The following XKR4 variants were observed in gnomAD, a reference collection of about 807,000 sequenced individuals.
The protein encoded by XKR4 is XK related 4.
In XKR4, 12 loss-of-function variants were observed where a neutral mutation model predicts 53.9. The ratio of observed to expected loss-of-function variants is 0.22; its 90% CI spans 0.14 to 0.36. The LOEUF (loss-of-function observed/expected upper bound fraction) is 0.36. XKR4 is among the 10% of genes least tolerant of loss of function. The probability of loss-of-function intolerance (pLI) is 1.00; values close to 1 mark genes in which losing one functional copy is unlikely to be tolerated. For synonymous variants in XKR4, 354 were observed against 362.4 expected, an observed-to-expected ratio of 0.98 and a Z score of 0.26; for missense variants, 799 against 859.5, an observed-to-expected ratio of 0.93 and a Z score of 0.88.
intron 1 of XKR4, among the ~76,000 whole-genome samples, chr8:55,160,059 T>G (rs935807254): frequency 1.3e-5 from 2 of 152,112 alleles, no homozygotes; most frequent in African/African-American, 4.8e-5. Flanking sequence ...GATGTAGGAA[T>G]GTAGAGAATT....
At chr8:55,462,639 G>A (rs1805680607) in intron 2 of XKR4, among the ~76,000 whole-genome samples, 1 of 152,138 alleles carries the variant, frequency 6.6e-6, no homozygotes. Flanking sequence ...AACCTTAAAT[G>A]TAAATGGGCT....
intron 1 of XKR4, among the ~76,000 whole-genome samples, chr8:55,145,929 C>A (rs917153326): frequency 1.3e-5 from 2 of 152,198 alleles, no homozygotes; most frequent in Non-Finnish European, 1.5e-5. Context: ...AAAGACATAT[C>A]ACTCATTTTG....
At chr8:55,495,070 T>C (rs931311624) in intron 2 of XKR4, among the ~76,000 whole-genome samples, 32 of 152,172 alleles carry the variant, frequency 2.1e-4, no homozygotes, top group African/African-American at 7.5e-4. Flanking sequence ...CCTCCCACGC[T>C]TGTCAGTGCC....
At chr8:55,141,757 A>G (rs1244726522) in intron 1 of XKR4, among the ~76,000 whole-genome samples, 1 of 151,614 alleles carries the variant, frequency 6.6e-6, no homozygotes, top group Non-Finnish European at 1.5e-5. Flanking sequence ...TCCCTAAAAC[A>G]GCTTGACACA....
chr8:55,387,752 C>T (rs1585550786), intron 2 of XKR4, among the ~76,000 whole-genome samples: 1 of 152,294 alleles, frequency 6.6e-6, no homozygotes, highest in South Asian at 2.1e-4. Context: ...GCTGTACCCA[C>T]ATGCAACCCA....
At position 55,293,815 on chromosome 8, in the gene XKR4, G is replaced by T. The variant is rs181895380; in HGVS notation, c.807-63863G>T. 3.3e-5 allele frequency among the ~76,000 whole-genome samples: 5 copies of T among 152,234 alleles called. No individual in the cohort carries two copies. The East Asian group carries it at 9.6e-4, about 29-fold the overall frequency. On this transcript the variant is annotated intron_variant, in intron 1 of 2. Transcript: ENST00000327381. The stretch of plus-strand genomic sequence containing the variant: ...TTACAATATTGATTTGACTCATTCT[G>T]TCATAATTAATTTGATATAGTGAAT...
chr8:55,148,496 C>A (rs1348960999), intron 1 of XKR4, among the ~76,000 whole-genome samples: 1 of 152,104 alleles, frequency 6.6e-6, no homozygotes, highest in Admixed American at 6.6e-5. Flanking sequence ...GAGGACTGTG[C>A]CTCATGTTCA....
intron 1 of XKR4, among the ~76,000 whole-genome samples, chr8:55,145,551 C>T (rs1417473770): frequency 6.6e-6 from 1 of 152,102 alleles, no homozygotes; most frequent in African/African-American, 2.4e-5. Context: ...CAATATCTGG[C>T]CGATTTATAC....
chr8:55,175,573 A>T (rs938253577), intron 1 of XKR4, among the ~76,000 whole-genome samples: 3 of 152,228 alleles, frequency 2.0e-5, no homozygotes, highest in Non-Finnish European at 2.9e-5. Flanking sequence ...CATGTCTAGA[A>T]TTATGTCAAA....
chr8:55,460,646 C>A (rs953621105), intron 2 of XKR4, among the ~76,000 whole-genome samples: 1 of 152,046 alleles, frequency 6.6e-6, no homozygotes, highest in Non-Finnish European at 1.5e-5. Flanking sequence ...GGACAGTGGG[C>A]GCAGCGCACC....
At chr8:55,128,485 T>C (rs1816506561) in intron 1 of XKR4, among the ~76,000 whole-genome samples, 1 of 152,206 alleles carries the variant, frequency 6.6e-6, no homozygotes, top group African/African-American at 2.4e-5. Context: ...CATGTGTCTC[T>C]GGATGAAGAC....
chr8:55,224,666 G>T lies in XKR4; in HGVS notation c.806+121372G>T, dbSNP rs151108865. Among the ~76,000 whole-genome samples, 703 of 152,230 alleles carry T rather than the reference G, an allele frequency of 4.6e-3. 6 individuals are homozygous for T. Among genetic ancestry groups the T allele is most frequent in the African/African-American group, 0.016 (654 of 41,558 alleles). On this transcript the variant is annotated intron_variant, in intron 1 of 2. Transcript: ENST00000327381. The stretch of plus-strand genomic sequence containing the variant: ...TGAAGTACTGGGTTAAACAAATTTG[G>T]CAAATTTCATTTCTCAAGTGTGTTG...
At chr8:55,151,508 C>T (rs73596982) in intron 1 of XKR4, among the ~76,000 whole-genome samples, 11,906 of 152,090 alleles carry the variant, frequency 0.078, 869 homozygotes, top group African/African-American at 0.2. Context: ...TGCTGCATTC[C>T]CAGCACAAAT....
At chr8:55,517,148 G>A (rs1806724953) in intron 2 of XKR4, 1 of 152,198 alleles carries the variant, frequency 6.6e-6, no homozygotes, top group Non-Finnish European at 1.5e-5. Flanking sequence ...GGAGGGGGGT[G>A]AGGGCTGAAA....
intron 2 of XKR4, chr8:55,453,926 A>T: frequency 1.5e-6 from 1 of 648,006 alleles, no homozygotes; most frequent in East Asian, 3.6e-5. Flanking sequence ...GCCCTCCAGC[A>T]CATTCATCAG....
chr8:55,273,456 T>G (rs1037290500), intron 1 of XKR4, among the ~76,000 whole-genome samples: 4 of 152,172 alleles, frequency 2.6e-5, no homozygotes, highest in Admixed American at 2.0e-4. Context: ...ATTGCCTTTG[T>G]AAGACTAACA....
intron 1 of XKR4, among the ~76,000 whole-genome samples, chr8:55,339,476 G>A (rs1282193705): frequency 6.6e-6 from 1 of 152,144 alleles, no homozygotes; most frequent in Non-Finnish European, 1.5e-5. Flanking sequence ...AAGCTGACTG[G>A]CAGAAGCAAA....
Position 55,289,654 on chromosome 8 carries a change from G to GA in XKR4, c.807-68022dup, listed in dbSNP as rs1343273638. ...GAAAGAAAGAAAGAAAGAAAGGAAG[G>GA]AAGGAAAAGAAAAGAAAAGAAAGAG... On this transcript the variant is annotated intron_variant, in intron 1 of 2. Coordinates refer to ENST00000327381, the MANE Select transcript of XKR4 (RefSeq NM_052898.2). Among the ~76,000 whole-genome samples the GA allele has an allele frequency of 2.2e-3, 179 of 82,254 alleles. 5 individuals are homozygous for GA. Among genetic ancestry groups the GA allele is most frequent in the Middle Eastern group, 0.015 (2 of 136 alleles). The allele number at this position is 82,254 out of a possible 152,430, so 54.0% of individuals were successfully genotyped here.
At chr8:55,106,680 C>A (rs1187066384) in intron 1 of XKR4, among the ~76,000 whole-genome samples, 2 of 152,096 alleles carry the variant, frequency 1.3e-5, no homozygotes, top group Non-Finnish European at 1.5e-5. Flanking sequence ...AAAACTCTAC[C>A]TGAATTTCTC....
Sources: allele counts gnomAD v4.1 joint callset (sites outside exome capture counted in the v4.1 genomes callset), GRCh38; gene constraint gnomAD v4.1.1; transcripts MANE v1.5; gene names NCBI Gene and HGNC (gene_info 2026-07-23, HGNC 2026-07-21).